The following ERC2 variants were observed in gnomAD, a reference collection of about 807,000 sequenced individuals.
The protein encoded by ERC2 is ELKS/RAB6-interacting/CAST family member 2.
ERC2 carries 42 observed loss-of-function variants against 114.8 expected under a neutral mutation model. The observed-to-expected ratio is 0.37, with a 90% confidence interval of 0.29 to 0.47. The LOEUF is 0.47. Ranked by LOEUF, ERC2 falls within the 20% of genes least tolerant of loss-of-function variation. The pLI, the probability that ERC2 is intolerant of heterozygous loss-of-function variation, is 0.99. For missense variants in ERC2, 939 were observed against 1,150.7 expected (o/e 0.82, Z 2.66); for synonymous variants, 454 against 425.5 (o/e 1.07, Z -0.82).
chr3:55,974,413 C>T (rs932857607), intron 12 of ERC2, among the ~76,000 whole-genome samples: 4 of 152,174 alleles, frequency 2.6e-5, no homozygotes, highest in Non-Finnish European at 5.9e-5. Context: ...GAGTTGTTTT[C>T]CAAAAGGAAA....
At chr3:55,851,149 C>T (rs909966356) in intron 14 of ERC2, among the ~76,000 whole-genome samples, 3 of 140,656 alleles carry the variant, frequency 2.1e-5, no homozygotes, top group African/African-American at 7.9e-5. Flanking sequence ...AGAAAACTTA[C>T]TTCCATCTCT....
chr3:56,048,751 G>T lies in ERC2; in HGVS notation c.1642-29720C>A, dbSNP rs534582594. ...CAGACCTGGTGAAGAAGCCAGACTC[G>T]GTCCCTGCCTCTGTAGAGCTTGTGT... On this transcript the variant is annotated intron_variant, in intron 7 of 17. Transcript: ENST00000288221. Among the ~76,000 whole-genome samples, 7 of 152,222 alleles carry T rather than the reference G, an allele frequency of 4.6e-5. No homozygotes were observed. The South Asian group carries it at 1.2e-3, about 27-fold the overall frequency.
At chr3:56,002,481 C>T (rs942729559) in intron 10 of ERC2, among the ~76,000 whole-genome samples, 8 of 152,116 alleles carry the variant, frequency 5.3e-5, no homozygotes, top group Non-Finnish European at 8.8e-5. Flanking sequence ...AAAAAAAATT[C>T]GTGGTGGCAC....
At chr3:55,544,058 G>C (rs1168272069) in intron 17 of ERC2, among the ~76,000 whole-genome samples, 1 of 152,220 alleles carries the variant, frequency 6.6e-6, no homozygotes, top group African/African-American at 2.4e-5. Flanking sequence ...GGGCAGGGCA[G>C]CATGGGACTA....
intron 3 of ERC2, among the ~76,000 whole-genome samples, chr3:56,225,178 TC>T (rs2050170482): frequency 6.6e-6 from 1 of 151,990 alleles, no homozygotes; most frequent in East Asian, 1.9e-4. Flanking sequence ...CCTCCTTTTT[TC>T]CCCATTTGTT....
chr3:56,015,625 G>T (rs2149583679), intron 8 of ERC2, among the ~76,000 whole-genome samples: 1 of 152,148 alleles, frequency 6.6e-6, no homozygotes, highest in African/African-American at 2.4e-5. Context: ...TGGACATTTG[G>T]GTTGGTTCCA....
chr3:55,811,236 C>T (rs1225059247), intron 14 of ERC2, among the ~76,000 whole-genome samples: 5 of 152,170 alleles, frequency 3.3e-5, no homozygotes, highest in Non-Finnish European at 7.3e-5. Context: ...ATTACTTGAA[C>T]TTTTAAGAGT....
intron 7 of ERC2, among the ~76,000 whole-genome samples, chr3:56,026,789 C>G (rs1312122110): frequency 6.6e-6 from 1 of 152,154 alleles, no homozygotes; most frequent in Non-Finnish European, 1.5e-5. Context: ...ATTCATATAT[C>G]ATGAGTTTTT....
chr3:56,389,900 A>G (rs2060066916), intron 2 of ERC2, among the ~76,000 whole-genome samples: 1 of 152,220 alleles, frequency 6.6e-6, no homozygotes, highest in African/African-American at 2.4e-5. Flanking sequence ...AACAGGCAAC[A>G]GCTATATAAA....
intron 1 of ERC2, among the ~76,000 whole-genome samples, chr3:56,464,915 G>C (rs2107591172): frequency 6.6e-6 from 1 of 151,644 alleles, no homozygotes; most frequent in Admixed American, 6.6e-5. Flanking sequence ...GGGTGTCCTA[G>C]TAAAACAAGC....
intron 2 of ERC2, among the ~76,000 whole-genome samples, chr3:56,361,730 C>A (rs1229684755): frequency 2.6e-5 from 4 of 152,216 alleles, no homozygotes; most frequent in Admixed American, 6.5e-5. Flanking sequence ...GCCAAGCCAA[C>A]TTGAGTAGTA....
intron 17 of ERC2, among the ~76,000 whole-genome samples, chr3:55,669,107 C>T (rs2061462617): frequency 6.6e-6 from 1 of 152,168 alleles, no homozygotes; most frequent in South Asian, 2.1e-4. Flanking sequence ...GGAGACATTC[C>T]TTTGGCCTTG....
chr3:55,804,482 G>T (rs1447157694), intron 14 of ERC2, among the ~76,000 whole-genome samples: 1 of 152,112 alleles, frequency 6.6e-6, no homozygotes, highest in Non-Finnish European at 1.5e-5. Flanking sequence ...GGAGTCTACT[G>T]GTTGTTTGCT....
intron 4 of ERC2, among the ~76,000 whole-genome samples, chr3:56,171,138 A>T (rs72870171): frequency 0.094 from 14,306 of 152,206 alleles, 936 homozygotes; most frequent in African/African-American, 0.16. Context: ...CTAAAATACA[A>T]CAGGGTCTCA....
chr3:56,295,457 G>A (rs1308888944), intron 3 of ERC2, among the ~76,000 whole-genome samples: 1 of 152,026 alleles, frequency 6.6e-6, no homozygotes, highest in Admixed American at 6.6e-5. Context: ...ATCTACTAAG[G>A]GCAAAACACA....
intron 6 of ERC2, 69 bp from the exon 7 acceptor site, chr3:56,081,053 C>T: frequency 7.1e-6 from 11 of 1,538,776 alleles, no homozygotes; most frequent in Non-Finnish European, 8.8e-6. Context: ...CAATTGTGCC[C>T]TTTGAGGAGG....
intron 2 of ERC2, among the ~76,000 whole-genome samples, chr3:56,400,944 C>A (rs2106949724): frequency 6.6e-6 from 1 of 152,300 alleles, no homozygotes; most frequent in South Asian, 2.1e-4. Flanking sequence ...GCTTTATTAA[C>A]CACGATCTTG....
intron 14 of ERC2, among the ~76,000 whole-genome samples, chr3:55,793,504 C>CTT (rs1412219010): frequency 6.6e-6 from 1 of 152,026 alleles, no homozygotes; most frequent in African/African-American, 2.4e-5. Context: ...GGGAAGGTTT[C>CTT]TTTCACTGTT....
intron 10 of ERC2, among the ~76,000 whole-genome samples, chr3:56,002,227 T>C (rs1188414369): frequency 6.6e-6 from 1 of 152,126 alleles, no homozygotes; most frequent in African/African-American, 2.4e-5. Flanking sequence ...TAAAAAGTTG[T>C]GGGTGCAATT....
Sources: gnomAD v4.1 joint callset for allele counts (sites outside exome capture counted in the v4.1 genomes callset) on GRCh38, gnomAD v4.1.1 for gene constraint, MANE v1.5 for transcripts, NCBI Gene and HGNC (gene_info 2026-07-23, HGNC 2026-07-21) for gene names.